TRIM10: variants seen among roughly 807,000 people sequenced by gnomAD.
TRIM10 encodes the protein tripartite motif-containing protein 10.
A neutral mutation model predicts 40.0 loss-of-function variants in TRIM10; 42 were observed. The ratio of observed to expected loss-of-function variants is 1.05; its 90% CI spans 0.82 to 1.36. TRIM10 has a LOEUF of 1.36. Among genes scored for constraint, TRIM10 ranks in the 40% most tolerant of loss-of-function variants. The pLI, the probability that TRIM10 is intolerant of heterozygous loss-of-function variation, is 0.00. For synonymous variants in TRIM10, 260 were observed against 239.5 expected, an observed-to-expected ratio of 1.09 and a Z score of -0.79; for missense variants, 601 against 608.3, an observed-to-expected ratio of 0.99 and a Z score of 0.13.
At chr6:30,157,533 T>A in intron 3 of TRIM10, 142 bp from the exon 4 acceptor site, 1 of 833,008 alleles carries the variant, frequency 1.2e-6, no homozygotes, top group Non-Finnish European at 1.9e-6. Context: ...GTGCCCAGGC[T>A]GGAATACAGT....
chr6:30,159,134 A>G lies in TRIM10; in HGVS notation c.525+16T>C. On this transcript the variant is annotated intron_variant, in intron 2 of 6. Transcript: ENST00000449742. ...CTGAGGAAGGGGAGGAACCTGGGGA[A>G]GGGGTGATGACTTACCAGGAGGACT... 2.6e-6 allele frequency: 4 copies of G among 1,558,226 alleles called. No homozygotes were observed. Among genetic ancestry groups the G allele is most frequent in the Non-Finnish European group, 2.7e-6 (3 of 1,130,310 alleles).
In TRIM10 at chr6:30,158,502, C is replaced by T. The variant is rs1396658157; in HGVS notation, c.653G>A (p.Arg218Gln). ...ESQDGDILRQRDEFDLLVAGE... is the reference protein window; with the variant it reads ...ESQDGDILRQQDEFDLLVAGE... ...AGCAACCAGCAAATCAAATTCATCC[C>T]GTTGCCTCAAGATGTCCCCATCCTG... Residue 218 changes from arginine to glutamine, a missense_variant, in exon 3 of 7, where the codon CGG becomes CAG. Transcript: ENST00000449742. 1.1e-5 allele frequency: 18 copies of T among 1,613,054 alleles called. No individual in the cohort carries two copies. Among genetic ancestry groups the T allele is most frequent in the South Asian group, 3.3e-5 (3 of 91,068 alleles).
intron 2 of TRIM10, 144 bp from the exon 3 acceptor site, chr6:30,158,773 A>G (rs1772811663): frequency 1.4e-6 from 1 of 728,240 alleles, no homozygotes; most frequent in South Asian, 1.7e-5. Flanking sequence ...AGCAAGACTC[A>G]CAGTGTTGTC....
At position 30,158,402 on chromosome 6, in the gene TRIM10, C is replaced by G; in HGVS notation, c.753G>C (p.Leu251=). ...AGGGTTCCGGTTCAGGCCTCACCGT[C>G]AGGAGCTCCCTTGCTGGCCTCTCAT... ...EKNERPAREL[L]TDIRSTLIRC... The change falls in exon 3 of 7, where the codon CTG becomes CTC. Residue 251 remains leucine (L), a synonymous_variant. Transcript: ENST00000449742. 3 of 1,612,974 alleles carry G rather than the reference C, an allele frequency of 1.9e-6. No individual in the cohort carries two copies. Among genetic ancestry groups the G allele is most frequent in the Non-Finnish European group, 2.5e-6 (3 of 1,179,928 alleles).
In TRIM10 at chr6:30,154,443, G is replaced by A; in HGVS notation, c.972C>T (p.Leu324=). 14 of 1,612,856 alleles carry A rather than the reference G, an allele frequency of 8.7e-6. No homozygotes were observed. Among genetic ancestry groups the A allele is most frequent in the Non-Finnish European group, 1.2e-5 (14 of 1,180,048 alleles). The change falls in exon 7 of 7, where the codon CTC becomes CTT. Residue 324 remains leucine (L), a synonymous_variant. Coordinates refer to ENST00000449742, the MANE Select transcript of TRIM10 (RefSeq NM_006778.4). ...LDPQTSHPKL[L]LSEDHQRAQF... is the part of the protein sequence containing the mutation. ...GAGCTCGCTGGTGGTCCTCGGACAA[G>A]AGGAGCTTGGGGTGGGAAGTCTGAG...
In TRIM10 at chr6:30,158,399, C is replaced by T. The variant is rs770546848; in HGVS notation, c.756G>A (p.Thr252=). 127 of 1,612,772 alleles carry T rather than the reference C, an allele frequency of 7.9e-5. 4 individuals carry two copies. The Middle Eastern group carries it at 0.011, about 134-fold the overall frequency. Residue 252 remains threonine, a splice_region_variant and synonymous_variant, in exon 3 of 7, where the codon ACG becomes ACA. Transcript: ENST00000449742. ...KNERPARELL[T]DIRSTLIRCE... Reference sequence around the variant, plus strand: ...GGCAGGGTTCCGGTTCAGGCCTCACCGTCAGGAGCTCCCTTGCTGGCCTCT... The same window carrying T: ...GGCAGGGTTCCGGTTCAGGCCTCACTGTCAGGAGCTCCCTTGCTGGCCTCT...
rs1221282992 is a variant in TRIM10 at position 30,157,042 on chromosome 6, T to C, written c.792A>G (p.Arg264=). ...IRSTLIRCET[R]KCRKPVAVSP... is the part of the protein sequence containing the mutation. Reference sequence around the variant, plus strand: ...ACACAGCCACCGGTTTCCGGCACTTTCTGGTTTCACATCTAGGGGCACAGA... The same window carrying C: ...ACACAGCCACCGGTTTCCGGCACTTCCTGGTTTCACATCTAGGGGCACAGA... Residue 264 remains arginine, a synonymous_variant, in exon 5 of 7, where the codon AGA becomes AGG. Transcript: ENST00000449742. 6.2e-7 allele frequency: 1 copy of C among 1,612,944 alleles called. No homozygotes were observed. The highest frequency in any genetic ancestry group is 1.3e-5 in the African/African-American group (1 of 74,940).
intron 1 of TRIM10, among the ~76,000 whole-genome samples, chr6:30,159,688 G>T (rs1772896795): frequency 1.3e-5 from 2 of 152,168 alleles, no homozygotes; most frequent in African/African-American, 4.8e-5. Context: ...TATGACTCCA[G>T]AGGGGAGAAG....
chr6:30,153,397 C>A lies in TRIM10; in HGVS notation c.*572G>T. On this transcript the variant is annotated 3_prime_UTR_variant, in exon 7 of 7. Transcript: ENST00000449742. Reference sequence around the variant, plus strand: ...GGGTTGGACTTCCCGTAACACCCACCACACTGTGCTGTAATTTCCTCTTTA... The same window carrying A: ...GGGTTGGACTTCCCGTAACACCCACAACACTGTGCTGTAATTTCCTCTTTA... 1 of 403,096 alleles carries A rather than the reference C, an allele frequency of 2.5e-6. No individual in the cohort carries two copies. The highest frequency in any genetic ancestry group is 4.5e-6 in the Non-Finnish European group (1 of 223,196). The allele number at this position is 403,096 out of a possible 1,614,324, so 25.0% of individuals were successfully genotyped here. A position where few individuals can be genotyped will look rare whatever the true frequency, so the allele number is the denominator to read the frequency against.
chr6:30,154,548 T>C (rs1459948338), intron 6 of TRIM10, 62 bp from the exon 7 acceptor site: 2 of 1,584,750 alleles, frequency 1.3e-6, no homozygotes, highest in Non-Finnish European at 1.7e-6. Context: ...AAGGAAGGCA[T>C]AGAAACTCCC....
rs1773017813 is a variant in TRIM10, at chr6:30,160,763, G to A, written c.96C>T (p.Gly32=). ...TLREPVTIDC[G]HNFCRACLTR... The stretch of plus-strand genomic sequence containing the variant: ...TAAGGCAGGCCCGGCAGAAGTTGTG[G>A]CCGCAGTCGATAGTGACCGGCTCCC... The change falls in exon 1 of 7, where the codon GGC becomes GGT. Residue 32 remains glycine, a synonymous_variant. Coordinates refer to ENST00000449742, the MANE Select transcript of TRIM10 (RefSeq NM_006778.4). The A allele has an allele frequency of 6.2e-7, 1 of 1,614,068 alleles. No individual in the cohort carries two copies. The highest frequency in any genetic ancestry group is 8.5e-7 in the Non-Finnish European group (1 of 1,180,044).
Position 30,153,548 on chromosome 6 carries a change from A to C in TRIM10, c.*421T>G. On this transcript the variant is annotated 3_prime_UTR_variant, in exon 7 of 7. Coordinates refer to ENST00000449742, the MANE Select transcript of TRIM10 (RefSeq NM_006778.4). Reference sequence around the variant, plus strand: ...GTTAACACAAACTAAATGGTTCTAGAGAATGTGATTACATGAACTCTAACA... The same window carrying C: ...GTTAACACAAACTAAATGGTTCTAGCGAATGTGATTACATGAACTCTAACA... 3 of 774,294 alleles carry C rather than the reference A, an allele frequency of 3.9e-6. No individual in the cohort carries two copies. Among genetic ancestry groups the C allele is most frequent in the Non-Finnish European group, 6.4e-6 (3 of 465,340 alleles). The allele number at this position is 774,294 out of a possible 1,614,324, so 48.0% of individuals were successfully genotyped here.
At chr6:30,159,986 A>G (rs1772920764) in intron 1 of TRIM10, among the ~76,000 whole-genome samples, 1 of 152,352 alleles carries the variant, frequency 6.6e-6, no homozygotes, top group East Asian at 1.9e-4. Flanking sequence ...GTAAACACGA[A>G]TTTATTCACA....
In TRIM10 at chr6:30,156,999, T is replaced by C; in HGVS notation, c.835A>G (p.Arg279Gly). The C allele has an allele frequency of 6.2e-7, 1 of 1,613,112 alleles. No individual in the cohort carries two copies. Among genetic ancestry groups the C allele is most frequent in the Non-Finnish European group, 8.5e-7 (1 of 1,180,032 alleles). The change falls in exon 5 of 7, where the codon AGG (arginine) becomes GGG (glycine). Residue 279 changes from arginine to glycine, a missense_variant. Arg to Gly is a moderately radical substitution (Grantham distance 125). Coordinates refer to ENST00000449742, the MANE Select transcript of TRIM10 (RefSeq NM_006778.4). The stretch of plus-strand genomic sequence containing the variant: ...GCCTGCTGGGGAAAGTCCCGAATCC[T>C]CTGGCCCAGCTCTGGCGACACAGCC... ...PVAVSPELGQ[R>G]IRDFPQQALP... is the part of the protein sequence containing the mutation.
intron 2 of TRIM10, 58 bp downstream of exon 2, chr6:30,159,092 C>G (rs1772841523): frequency 8.5e-7 from 1 of 1,169,896 alleles, no homozygotes; most frequent in Non-Finnish European, 1.3e-6. Flanking sequence ...GCCTCAGTTT[C>G]AGGAAGACAC....
intron 6 of TRIM10, chr6:30,154,816 C>T (rs114670614): frequency 0.04 from 24,247 of 609,662 alleles, 1,221 homozygotes; most frequent in South Asian, 0.16. Context: ...CAAAGCTGTG[C>T]GTGCCAGCTT....
intron 5 of TRIM10, 138 bp downstream of exon 5, chr6:30,156,801 C>T: frequency 1.3e-6 from 1 of 753,698 alleles, no homozygotes; most frequent in Non-Finnish European, 2.4e-6. Context: ...TTATAAAAAT[C>T]TGCAAATAAG....
rs1300508114 is a variant in TRIM10 at position 30,158,587 on chromosome 6, C to T, written c.568G>A (p.Ala190Thr). 2 of 1,613,010 alleles carry T rather than the reference C, an allele frequency of 1.2e-6. No individual in the cohort carries two copies. The highest frequency in any genetic ancestry group is 4.5e-5 in the East Asian group (2 of 44,888). Residue 190 changes from alanine to threonine, a missense_variant, in exon 3 of 7, where the codon GCA becomes ACA. Coordinates refer to ENST00000449742, the MANE Select transcript of TRIM10 (RefSeq NM_006778.4). ...TKRQQVISEF[A>T]HLRKFLEEQQ... ...TCCTCTAGAAACTTCCTCAGGTGTGCGAACTCAGAAATCACCTGTTGTCTC... is the reference window on the plus strand; with the variant it reads ...TCCTCTAGAAACTTCCTCAGGTGTGTGAACTCAGAAATCACCTGTTGTCTC...
rs756170852 is a variant in TRIM10 at position 30,154,497 on chromosome 6, A to G, written c.929-11T>C. On this transcript the variant is annotated splice_polypyrimidine_tract_variant and intron_variant, in intron 6 of 6. Coordinates refer to ENST00000449742, the MANE Select transcript of TRIM10 (RefSeq NM_006778.4). ...CTAGAGAAATGTGAGCTGTGGGGAT[A>G]ACCAAAAGGGACAGATGTCAGCAGA... 10 of 1,607,294 alleles carry G rather than the reference A, an allele frequency of 6.2e-6. No homozygotes were observed. The highest frequency in any genetic ancestry group is 8.5e-6 in the Non-Finnish European group (10 of 1,179,496).
Sources: gnomAD v4.1 joint callset for allele counts (sites outside exome capture counted in the v4.1 genomes callset) on GRCh38, gnomAD v4.1.1 for gene constraint, MANE v1.5 for transcripts, NCBI Gene and HGNC (gene_info 2026-07-23, HGNC 2026-07-21) for gene names.